Variants in ODAD3 observed in about 807,000 individuals in gnomAD.
ODAD3 encodes the protein outer dynein arm docking complex subunit 3, also known as outer dynein arm-docking complex subunit 3.
Under a neutral mutation model 70.9 loss-of-function variants are expected in ODAD3, and 57 were observed. The observed-to-expected ratio is 0.80, with a 90% CI of 0.65 to 1.00. ODAD3 has a LOEUF of 1.00. ODAD3 is among the 50% of genes least tolerant of loss of function. The pLI is 0.00. For synonymous variants in ODAD3, 327 were observed against 315.9 expected (o/e 1.04, Z -0.37); for missense variants, 797 against 763.9 (o/e 1.04, Z -0.51).
At chr19:11,424,110 G>C (rs1187673583) in intron 7 of ODAD3, 81 bp from the exon 8 acceptor site, 1 of 1,522,328 alleles carries the variant, frequency 6.6e-7, no homozygotes, top group East Asian at 2.3e-5. Flanking sequence ...GATCCAGATA[G>C]GGGCCCGCGA....
Position 11,424,531 on chromosome 19 carries a change from G to C in ODAD3, c.964-502C>G, listed in dbSNP as rs11880475. Among the ~76,000 whole-genome samples, 6 of 131,052 alleles carry C rather than the reference G, an allele frequency of 4.6e-5. No homozygotes were observed. In the Admixed American group the frequency reaches 4.7e-4, roughly 10 times the overall value. 86.0% of individuals were successfully genotyped at this position (131,052 alleles called of 152,430 possible). ...TATATATGTATATATATGTATATAT[G>C]TATATATGTGTATATATACCTATGT... On this transcript the variant is annotated intron_variant, in intron 7 of 12. Coordinates refer to ENST00000356392, the MANE Select transcript of ODAD3 (RefSeq NM_145045.5).
Position 11,426,571 on chromosome 19 carries a change from C to T in ODAD3, c.715G>A (p.Asp239Asn), listed in dbSNP as rs1403786880. ...CGGTTCTCCAAGTTGAGGCTCTCGT[C>T]CTGGGGCGTGGTGGGGAGGGGTAGC... ...VYLQLKAYLM[D>N]ESLNLENRLD... Residue 239 changes from aspartate to asparagine, a missense_variant and splice_region_variant, in exon 6 of 13, where the codon GAC becomes AAC. By Grantham distance (23) the Asp-to-Asn change is conservative. Transcript: ENST00000356392. 2 of 1,613,864 alleles carry T rather than the reference C, an allele frequency of 1.2e-6. No individual in the cohort carries two copies. Among genetic ancestry groups the T allele is most frequent in the Non-Finnish European group, 1.7e-6 (2 of 1,179,960 alleles).
chr19:11,421,275 G>A, intron 11 of ODAD3, 63 bp from the exon 12 acceptor site: 3 of 1,451,390 alleles, frequency 2.1e-6, no homozygotes, highest in South Asian at 2.5e-5. Context: ...GAGAAGTCAC[G>A]TTCCCCCTCC....
intron 3 of ODAD3, among the ~76,000 whole-genome samples, chr19:11,427,322 T>C (rs1969403805): frequency 6.6e-6 from 1 of 150,392 alleles, no homozygotes; most frequent in African/African-American, 2.4e-5. Flanking sequence ...TTAGACGGAG[T>C]CTTGCTCTGA....
In ODAD3 at chr19:11,422,813, C is replaced by T; in HGVS notation, c.1165G>A (p.Glu389Lys). 7 of 1,608,600 alleles carry T rather than the reference C, an allele frequency of 4.4e-6. No homozygotes were observed. Among genetic ancestry groups the T allele is most frequent in the Non-Finnish European group, 5.9e-6 (7 of 1,179,908 alleles). ...TGCTCGTTCTCGCTCTTGAGCGTCT[C>T]CAACTGCGCGAAGGTGTCGCCCTGG... is the stretch of plus-strand genomic sequence containing the variant. ...LAQGDTFAQLETLKSENEQTL... is the reference protein window; with the variant it reads ...LAQGDTFAQLKTLKSENEQTL... Residue 389 changes from glutamate to lysine, a missense_variant, in exon 9 of 13, where the codon GAG becomes AAG. Physicochemically the swap from Glu to Lys is moderately conservative, Grantham distance 56 (BLOSUM62 1). Coordinates refer to ENST00000356392, the MANE Select transcript of ODAD3 (RefSeq NM_145045.5). The surrounding 1 kb of genome is among the most constrained non-coding windows in gnomAD (Gnocchi z 4.6).
At chr19:11,426,648 G>GT in intron 5 of ODAD3, 35 bp downstream of exon 5, 1 of 1,613,584 alleles carries the variant, frequency 6.2e-7, no homozygotes, top group Non-Finnish European at 8.5e-7. Flanking sequence ...CGCCCTCCCT[G>GT]TTTGTCATCT....
chr19:11,435,075 CCT>C lies in ODAD3; in HGVS notation c.-61_-60del. ...GGGGGATAACTAGGAGTCAGTCGCC[CCT>C]GTCAGGGATCCGTCAGCTCGGATTC... is the stretch of plus-strand genomic sequence containing the variant. On this transcript the variant is annotated 5_prime_UTR_variant, in exon 1 of 13. Coordinates refer to ENST00000356392, the MANE Select transcript of ODAD3 (RefSeq NM_145045.5). 1 of 1,536,908 alleles carries C rather than the reference CCT, an allele frequency of 6.5e-7. No homozygotes were observed. Among genetic ancestry groups the C allele is most frequent in the Non-Finnish European group, 8.7e-7 (1 of 1,146,248 alleles).
At chr19:11,432,319 G>A (rs1224594619) in intron 1 of ODAD3, among the ~76,000 whole-genome samples, 2 of 152,110 alleles carry the variant, frequency 1.3e-5, no homozygotes, top group African/African-American at 4.8e-5. Flanking sequence ...TGCTATCACT[G>A]CTCACTGAAG....
At position 11,422,582 on chromosome 19, in the gene ODAD3, C is replaced by G; in HGVS notation, c.1323G>C (p.Glu441Asp). The change falls in exon 10 of 13, where the codon GAG becomes GAC. Residue 441 changes from glutamate to aspartate, a missense_variant. Physicochemically the swap from Glu to Asp is conservative, Grantham distance 45 (BLOSUM62 2). Transcript: ENST00000356392. This position sits in a 1 kb window ranked among gnomAD's most constrained non-coding sequence, Gnocchi z 4.6. The part of the protein sequence containing the change: ...QAEAQERLKK[E>D]ERRHAEAKDQ... Reference sequence around the variant, plus strand: ...CCTTGGCCTCGGCGTGCCGCCGCTCCTCCTTCTTGAGACGCTCCTGCGCCT... The same window carrying G: ...CCTTGGCCTCGGCGTGCCGCCGCTCGTCCTTCTTGAGACGCTCCTGCGCCT... 6.3e-7 allele frequency: 1 copy of G among 1,594,432 alleles called. No homozygotes were observed. Among genetic ancestry groups the G allele is most frequent in the Non-Finnish European group, 8.5e-7 (1 of 1,172,860 alleles).
At chr19:11,424,120 A>C in intron 7 of ODAD3, 91 bp from the exon 8 acceptor site, 1 of 1,473,600 alleles carries the variant, frequency 6.8e-7, no homozygotes, top group Non-Finnish European at 9.2e-7. Flanking sequence ...GGGGCCCGCG[A>C]GGAACAGGGC....
Position 11,435,021 on chromosome 19 carries a change from G to T in ODAD3, c.-5C>A, listed in dbSNP as rs1969634345. On this transcript the variant is annotated 5_prime_UTR_variant, in exon 1 of 13. Coordinates refer to ENST00000356392, the MANE Select transcript of ODAD3 (RefSeq NM_145045.5). ...CCTGCACAGAGGAGATGTCATGATG[G>T]GGTTGGGGCTGAAGGCCCCTAGGGG... 6.2e-7 allele frequency: 1 copy of T among 1,607,576 alleles called. No individual in the cohort carries two copies. Among genetic ancestry groups the T allele is most frequent in the Non-Finnish European group, 8.5e-7 (1 of 1,178,392 alleles).
chr19:11,422,595 C>A lies in ODAD3; in HGVS notation c.1310G>T (p.Arg437Leu), dbSNP rs778112959. The change falls in exon 10 of 13, where the codon CGT (arginine) becomes CTT (leucine). Residue 437 changes from arginine (R) to leucine (L), a missense_variant. Physicochemically the swap from Arg to Leu is moderately radical, Grantham distance 102. Transcript: ENST00000356392. The surrounding 1 kb of genome is among the most constrained non-coding windows in gnomAD (Gnocchi z 4.6). ...QQKLQAEAQE[R>L]LKKEERRHAE... is the part of the protein sequence containing the mutation. ...GTGCCGCCGCTCCTCCTTCTTGAGA[C>A]GCTCCTGCGCCTCGGCTTGCAGTTT... 10 of 1,595,898 alleles carry A rather than the reference C, an allele frequency of 6.3e-6. No individual in the cohort carries two copies. The highest frequency in any genetic ancestry group is 8.5e-6 in the Non-Finnish European group (10 of 1,173,714).
chr19:11,435,536 C>T (rs996298659), upstream of ODAD3: 10 of 516,404 alleles, frequency 1.9e-5, no homozygotes, highest in African/African-American at 5.9e-5. Context: ...GCTCTGGCAC[C>T]GCCCCCACTC....
rs1175530340 is a variant in ODAD3, at chr19:11,425,146, CATATGTAT to C, written c.963+990_963+997del. On this transcript the variant is annotated intron_variant, in intron 7 of 12. Transcript: ENST00000356392. Reference sequence around the variant, plus strand: ...ACATATGTGTATATGTGTATATGTACATATGTATATATACATATGTGTATATGTACATA... The same window carrying C: ...ACATATGTGTATATGTGTATATGTACATATACATATGTGTATATGTACATA... 1.1e-4 allele frequency among the ~76,000 whole-genome samples: 11 copies of C among 97,044 alleles called. 2 individuals carry two copies. The highest frequency in any genetic ancestry group is 2.3e-4 in the African/African-American group (4 of 17,496). The allele number at this position is 97,044 out of a possible 152,430, so 63.7% of individuals were successfully genotyped here. A position where few individuals can be genotyped will look rare whatever the true frequency, so the allele number is the denominator to read the frequency against.
chr19:11,434,683 C>T, intron 1 of ODAD3, 90 bp downstream of exon 1: 1 of 1,493,262 alleles, frequency 6.7e-7, no homozygotes, highest in Non-Finnish European at 9.0e-7. Context: ...TTTACCTAGA[C>T]TCATGCTGGA....
chr19:11,422,623 G>C lies in ODAD3; in HGVS notation c.1282C>G (p.Gln428Glu), dbSNP rs1969165935. Residue 428 changes from glutamine to glutamate, a missense_variant, in exon 10 of 13, where the codon CAG (glutamine) becomes GAG (glutamate). Gln to Glu is a conservative substitution (Grantham distance 29, BLOSUM62 2). Transcript: ENST00000356392. This position sits in a 1 kb window ranked among gnomAD's most constrained non-coding sequence, Gnocchi z 4.6. Reference protein sequence around the residue: ...YSGEATLVSQQKLQAEAQERL... With the variant: ...YSGEATLVSQEKLQAEAQERL... Reference sequence around the variant, plus strand: ...TCCTGCGCCTCGGCTTGCAGTTTCTGCTGGCTGCAGGGAGCCGGGAGGTCA... The same window carrying C: ...TCCTGCGCCTCGGCTTGCAGTTTCTCCTGGCTGCAGGGAGCCGGGAGGTCA... 2 of 1,600,422 alleles carry C rather than the reference G, an allele frequency of 1.2e-6. No individual in the cohort carries two copies. Among genetic ancestry groups the C allele is most frequent in the African/African-American group, 1.3e-5 (1 of 74,914 alleles).
chr19:11,423,740 GAGC>G, intron 8 of ODAD3, 134 bp downstream of exon 8: 1 of 824,926 alleles, frequency 1.2e-6, no homozygotes. Flanking sequence ...TTCAAGAAAG[GAGC>G]AGGTTTGTGA....
At chr19:11,435,590 C>T, upstream of ODAD3, 1 of 935,724 alleles carries the variant, frequency 1.1e-6, no homozygotes, top group Non-Finnish European at 1.5e-6. Context: ...GTTCCCGGTG[C>T]GGAACGTACG....
intron 1 of ODAD3, among the ~76,000 whole-genome samples, chr19:11,434,304 T>C (rs1425750459): frequency 6.6e-6 from 1 of 150,812 alleles, no homozygotes; most frequent in Non-Finnish European, 1.5e-5. Flanking sequence ...GGCTCACGCC[T>C]GTAATCCCAG....
Sources: allele counts gnomAD v4.1 joint callset (sites outside exome capture counted in the v4.1 genomes callset), GRCh38; gene constraint gnomAD v4.1.1; non-coding constraint Gnocchi (gnomAD v3.1); transcripts MANE v1.5; gene names NCBI Gene and HGNC (gene_info 2026-07-23, HGNC 2026-07-21).